The following DPYSL3 variants were observed in gnomAD, a reference collection of about 807,000 sequenced individuals.
DPYSL3 encodes the protein dihydropyrimidinase like 3.
A neutral mutation model predicts 66.1 loss-of-function variants in DPYSL3; 16 were observed. That is an observed-to-expected ratio of 0.24 (90% CI 0.16 to 0.37). DPYSL3 has a LOEUF of 0.37. Among genes scored for constraint, DPYSL3 ranks in the 10% least tolerant of loss-of-function variants. The probability of loss-of-function intolerance (pLI) is 1.00; values close to 1 mark genes in which losing one functional copy is unlikely to be tolerated. For missense variants in DPYSL3, 738 were observed against 916.2 expected (o/e 0.81, Z 2.51); for synonymous variants, 338 against 345.1 (o/e 0.98, Z 0.23).
chr5:147,395,649 C>T lies in DPYSL3; in HGVS notation c.1876G>A (p.Gly626Ser). The T allele has an allele frequency of 6.2e-7, 1 of 1,614,118 alleles. No individual in the cohort carries two copies. The highest frequency in any genetic ancestry group is 2.2e-5 in the East Asian group (1 of 44,856). ...CGAGCAGAGCCTGCGGGGGTGCCAC[C>T]TTTGGGGGTGGTGGTCAGGTCAAAC... is the stretch of plus-strand genomic sequence containing the variant. ...PVFDLTTTPK[G>S]GTPAGSARGS... Residue 626 changes from glycine to serine, a missense_variant, in exon 13 of 14, where the codon GGT becomes AGT. By Grantham distance (56) the Gly-to-Ser change is moderately conservative. Coordinates refer to ENST00000343218, the MANE Select transcript of DPYSL3 (RefSeq NM_001197294.2).
chr5:147,486,004 G>C (rs1449660677), intron 1 of DPYSL3, among the ~76,000 whole-genome samples: 2 of 152,088 alleles, frequency 1.3e-5, no homozygotes, highest in African/African-American at 4.8e-5. Flanking sequence ...ACATACAATG[G>C]AATACTATGC....
intron 1 of DPYSL3, among the ~76,000 whole-genome samples, chr5:147,508,898 C>T (rs1383370755): frequency 6.6e-6 from 1 of 152,132 alleles, no homozygotes; most frequent in Non-Finnish European, 1.5e-5. Context: ...AAGACACAAG[C>T]GAGGCATAGA....
chr5:147,509,507 C>G lies in DPYSL3; in HGVS notation c.352G>C (p.Val118Leu). Reference sequence around the variant, plus strand: ...TCCTTGGGGCCGAGGTTCTGCAACACCTCTTTGCCGGTGGCGCTCCGGATC... The same window carrying G: ...TCCTTGGGGCCGAGGTTCTGCAACAGCTCTTTGCCGGTGGCGCTCCGGATC... ...VEIRSATGKE[V>L]LQNLGPKDKS... The change falls in exon 1 of 14, where the codon GTG becomes CTG. Residue 118 changes from valine to leucine, a missense_variant. Coordinates refer to ENST00000343218, the MANE Select transcript of DPYSL3 (RefSeq NM_001197294.2). The surrounding 1 kb of genome is among the most constrained non-coding windows in gnomAD (Gnocchi z 5.3). 1.3e-6 allele frequency: 2 copies of G among 1,532,308 alleles called. No individual in the cohort carries two copies. Among genetic ancestry groups the G allele is most frequent in the South Asian group, 2.4e-5 (2 of 83,334 alleles). 94.9% of individuals were successfully genotyped at this position (1,532,308 alleles called of 1,614,324 possible). A position where few individuals can be genotyped will look rare whatever the true frequency, so the allele number is the denominator to read the frequency against.
At chr5:147,463,735 G>C (rs1375193080) in intron 1 of DPYSL3, among the ~76,000 whole-genome samples, 1 of 152,114 alleles carries the variant, frequency 6.6e-6, no homozygotes. Flanking sequence ...TTCAGCTACT[G>C]GTGCTGTCAA....
intron 1 of DPYSL3, among the ~76,000 whole-genome samples, chr5:147,446,903 G>A (rs145694534): frequency 2.7e-4 from 41 of 152,352 alleles, no homozygotes; most frequent in African/African-American, 9.4e-4. Context: ...TAACAGGTGT[G>A]GACAGCTGGA....
At chr5:147,475,747 T>A (rs1444026225) in intron 1 of DPYSL3, among the ~76,000 whole-genome samples, 4 of 152,138 alleles carry the variant, frequency 2.6e-5, no homozygotes, top group Non-Finnish European at 5.9e-5. Context: ...TAAAGGGTTG[T>A]CTTAACATGC....
chr5:147,422,550 A>G (rs1024479168), intron 2 of DPYSL3, among the ~76,000 whole-genome samples: 4 of 152,192 alleles, frequency 2.6e-5, no homozygotes, highest in Non-Finnish European at 5.9e-5. Flanking sequence ...ACACATGCAC[A>G]CGTATGTTTA....
chr5:147,428,112 G>A (rs1400313253), intron 1 of DPYSL3, among the ~76,000 whole-genome samples: 1 of 152,200 alleles, frequency 6.6e-6, no homozygotes, highest in Non-Finnish European at 1.5e-5. Flanking sequence ...TTGAGATGGT[G>A]TCATTGGAAA....
Position 147,395,788 on chromosome 5 carries a change from T to A in DPYSL3, c.1804-67A>T, listed in dbSNP as rs912033206. 5.7e-6 allele frequency: 9 copies of A among 1,572,058 alleles called. No individual in the cohort carries two copies. The African/African-American group carries it at 1.2e-4, about 21-fold the overall frequency. On this transcript the variant is annotated intron_variant, in intron 12 of 13. Transcript: ENST00000343218. ...ATTTTAGGGTCTGTTCTAGGTATCA[T>A]AAATATATTAGTGAATACAGTGTGT...
rs781721856 is a variant in DPYSL3, at chr5:147,397,882, G to T, written c.1624-37C>A. Reference sequence around the variant, plus strand: ...GGTGAGAAGCAAAGCCACAGTAAGGGTAGAGAAAGAGGAACGTACCTTCTC... The same window carrying T: ...GGTGAGAAGCAAAGCCACAGTAAGGTTAGAGAAAGAGGAACGTACCTTCTC... On this transcript the variant is annotated intron_variant, in intron 11 of 13. Transcript: ENST00000343218. 13 of 1,525,610 alleles carry T rather than the reference G, an allele frequency of 8.5e-6. No homozygotes were observed. In the Admixed American group the frequency reaches 2.5e-4, roughly 30 times the overall value. 94.5% of individuals were successfully genotyped at this position (1,525,610 alleles called of 1,614,324 possible). A position where few individuals can be genotyped will look rare whatever the true frequency, so the allele number is the denominator to read the frequency against.
chr5:147,453,663 C>A (rs1252584200), intron 1 of DPYSL3: 20 of 1,480,322 alleles, frequency 1.4e-5, no homozygotes, highest in African/African-American at 4.3e-5. Context: ...TTCCTCAGCG[C>A]ACAGCGCCCC....
chr5:147,430,764 C>T lies in DPYSL3; in HGVS notation c.382-5801G>A, dbSNP rs577815797. 1.8e-3 allele frequency among the ~76,000 whole-genome samples: 280 copies of T among 152,246 alleles called. 1 individual carries two copies. The highest frequency in any genetic ancestry group is 2.8e-3 in the Non-Finnish European group (191 of 68,022). ...TCTTCAACTTAGAGAACATAAATTACCACCTTTGTCTATCTGAGGTAATGA... is the reference window on the plus strand; with the variant it reads ...TCTTCAACTTAGAGAACATAAATTATCACCTTTGTCTATCTGAGGTAATGA... On this transcript the variant is annotated intron_variant, in intron 1 of 13. Transcript: ENST00000343218.
intron 1 of DPYSL3, among the ~76,000 whole-genome samples, chr5:147,444,159 A>C (rs1417208950): frequency 6.6e-6 from 1 of 152,148 alleles, no homozygotes. Context: ...AATTTAAGGT[A>C]GCACCATACC....
chr5:147,487,727 G>A (rs1235736877), intron 1 of DPYSL3, among the ~76,000 whole-genome samples: 1 of 152,132 alleles, frequency 6.6e-6, no homozygotes, highest in African/African-American at 2.4e-5. Context: ...TTCCTATCTT[G>A]TTCTATACAG....
In DPYSL3 at chr5:147,415,697, G is replaced by A. The variant is rs536806106; in HGVS notation, c.820+12C>T. ...GCTAAGAGAGGAGGGAGGACGGCATGTCCGGGCTCACCTTTGTCCTTGATG... is the reference window on the plus strand; with the variant it reads ...GCTAAGAGAGGAGGGAGGACGGCATATCCGGGCTCACCTTTGTCCTTGATG... On this transcript the variant is annotated intron_variant, in intron 4 of 13. Transcript: ENST00000343218. The A allele has an allele frequency of 4.8e-5, 78 of 1,612,494 alleles. 1 individual carries two copies. The South Asian group carries it at 8.4e-4, about 17-fold the overall frequency.
intron 7 of DPYSL3, among the ~76,000 whole-genome samples, chr5:147,406,634 T>C (rs927616042): frequency 1.5e-4 from 23 of 152,194 alleles, no homozygotes; most frequent in African/African-American, 5.1e-4. Context: ...TTGTTGATAA[T>C]ATTTTCTAAC....
At chr5:147,397,588 T>C in intron 12 of DPYSL3, 78 bp downstream of exon 12, 4 of 1,461,662 alleles carry the variant, frequency 2.7e-6, no homozygotes, top group Non-Finnish European at 3.7e-6. Flanking sequence ...CACAGTGCCC[T>C]GTGTTCATGG....
intron 1 of DPYSL3, among the ~76,000 whole-genome samples, chr5:147,465,630 C>T (rs187618226): frequency 1.3e-5 from 2 of 152,238 alleles, no homozygotes; most frequent in East Asian, 1.9e-4. Flanking sequence ...GGATTTATTA[C>T]CCCGGGTGCT....
At chr5:147,477,035 T>A (rs1278188634) in intron 1 of DPYSL3, among the ~76,000 whole-genome samples, 1 of 152,102 alleles carries the variant, frequency 6.6e-6, no homozygotes, top group African/African-American at 2.4e-5. Flanking sequence ...ACACAATAAG[T>A]ACCCCCCAGT....
Sources: allele counts gnomAD v4.1 joint callset (sites outside exome capture counted in the v4.1 genomes callset), GRCh38; gene constraint gnomAD v4.1.1; non-coding constraint Gnocchi (gnomAD v3.1); transcripts MANE v1.5; gene names NCBI Gene and HGNC (gene_info 2026-07-23, HGNC 2026-07-21).